The following HPSE2 variants were observed in gnomAD, a reference collection of about 807,000 sequenced individuals.
The protein encoded by HPSE2 is inactive heparanase-2.
In HPSE2, 38 loss-of-function variants were observed where a neutral mutation model predicts 60.5. That is an observed-to-expected ratio of 0.63 (90% CI 0.48 to 0.82). The LOEUF (loss-of-function observed/expected upper bound fraction) is 0.82, where lower values mean the gene tolerates loss of function less well. Ranked by LOEUF, HPSE2 falls within the 40% of genes least tolerant of loss-of-function variation. The probability of loss-of-function intolerance (pLI) is 0.00; values close to 1 mark genes in which losing one functional copy is unlikely to be tolerated. For missense variants in HPSE2, 713 were observed against 740.4 expected (o/e 0.96, Z 0.43); for synonymous variants, 295 against 293.2 (o/e 1.01, Z -0.06).
intron 4 of HPSE2, among the ~76,000 whole-genome samples, chr10:98,733,262 G>A (rs1242240765): frequency 6.6e-6 from 1 of 152,006 alleles, no homozygotes; most frequent in African/African-American, 2.4e-5. Context: ...CTGAGCCACG[G>A]GTGCACGCCA....
At chr10:98,706,194 A>G (rs1384515854) in intron 5 of HPSE2, among the ~76,000 whole-genome samples, 1 of 152,196 alleles carries the variant, frequency 6.6e-6, no homozygotes, top group Non-Finnish European at 1.5e-5. Context: ...CCATCTTTCC[A>G]GTATCTTATG....
chr10:99,307,954 C>G, the HPSE2 span, among the ~76,000 whole-genome samples: 29 of 152,042 alleles, frequency 1.9e-4, no homozygotes, highest in African/African-American at 7.0e-4. Flanking sequence ...ACCACTTTGG[C>G]AGTTCCTCAA....
chr10:98,813,021 G>A (rs891136214), intron 3 of HPSE2, among the ~76,000 whole-genome samples: 1 of 152,108 alleles, frequency 6.6e-6, no homozygotes, highest in Non-Finnish European at 1.5e-5. Flanking sequence ...GGCTGGATAA[G>A]GCTGAACTCT....
intron 2 of HPSE2, among the ~76,000 whole-genome samples, chr10:99,178,816 A>C (rs946548742): frequency 6.6e-6 from 1 of 152,182 alleles, no homozygotes; most frequent in Non-Finnish European, 1.5e-5. Context: ...GACACAACAA[A>C]AAAAGAAAAT....
chr10:99,117,488 A>G (rs1266474841), intron 3 of HPSE2, among the ~76,000 whole-genome samples: 5 of 150,738 alleles, frequency 3.3e-5, no homozygotes, highest in Non-Finnish European at 5.9e-5. Flanking sequence ...ACAAATAAAG[A>G]AGAGAGAAGA....
rs547647366 is a variant in HPSE2 at position 98,709,961 on chromosome 10, A to T, written c.956+11696T>A. Among the ~76,000 whole-genome samples, 11 of 152,314 alleles carry T rather than the reference A, an allele frequency of 7.2e-5. No individual in the cohort carries two copies. In the South Asian group the frequency reaches 2.3e-3, roughly 32 times the overall value. ...CTAACTGAGTACATACTTTAATAAG[A>T]GCATAGTAGCCTGATCTTTCCTGTC... On this transcript the variant is annotated intron_variant, in intron 5 of 11. Coordinates refer to ENST00000370552, the MANE Select transcript of HPSE2 (RefSeq NM_021828.5).
intron 3 of HPSE2, among the ~76,000 whole-genome samples, chr10:98,890,714 A>T (rs1260306854): frequency 6.6e-6 from 1 of 152,164 alleles, no homozygotes; most frequent in Non-Finnish European, 1.5e-5. Context: ...GCTAGTTTTA[A>T]CTCCCTTGGG....
At chr10:98,577,518 A>C (rs1163266982) in intron 9 of HPSE2, among the ~76,000 whole-genome samples, 1 of 152,232 alleles carries the variant, frequency 6.6e-6, no homozygotes. Flanking sequence ...TGAAAGATTC[A>C]CTTCAAACCA....
intron 3 of HPSE2, among the ~76,000 whole-genome samples, chr10:99,009,029 G>C (rs1195183593): frequency 2.0e-5 from 3 of 152,016 alleles, no homozygotes; most frequent in African/African-American, 7.3e-5. Flanking sequence ...AACAGTTGAG[G>C]GGAATTATGA....
chr10:99,063,863 C>T (rs1842528244), intron 3 of HPSE2, among the ~76,000 whole-genome samples: 1 of 152,086 alleles, frequency 6.6e-6, no homozygotes, highest in South Asian at 2.1e-4. Flanking sequence ...GAGATTGAGC[C>T]ATGTGGATCA....
intron 3 of HPSE2, among the ~76,000 whole-genome samples, chr10:98,879,631 C>G (rs1051362420): frequency 6.6e-6 from 1 of 151,894 alleles, no homozygotes. Flanking sequence ...TTGGAGCAGG[C>G]AGCCAGGAAT....
chr10:98,598,926 G>A (rs917908448), intron 9 of HPSE2, among the ~76,000 whole-genome samples: 1 of 151,940 alleles, frequency 6.6e-6, no homozygotes, highest in African/African-American at 2.4e-5. Context: ...TTGGCTTGGA[G>A]ATTGGGTGTA....
chr10:99,015,728 T>A (rs1215824392), intron 3 of HPSE2, among the ~76,000 whole-genome samples: 1 of 151,880 alleles, frequency 6.6e-6, no homozygotes, highest in Non-Finnish European at 1.5e-5. Flanking sequence ...AAAGGACGAG[T>A]TAATGGGTGC....
At chr10:98,963,595 T>A (rs1236871266) in intron 3 of HPSE2, among the ~76,000 whole-genome samples, 1 of 152,182 alleles carries the variant, frequency 6.6e-6, no homozygotes, top group Non-Finnish European at 1.5e-5. Flanking sequence ...TTGGTTTCTA[T>A]ATGCCAGCCA....
At chr10:99,115,037 A>G (rs918842974) in intron 3 of HPSE2, among the ~76,000 whole-genome samples, 1 of 152,016 alleles carries the variant, frequency 6.6e-6, no homozygotes, top group Non-Finnish European at 1.5e-5. Context: ...GTTGGAGTGC[A>G]GTGGCAGGAA....
chr10:98,861,460 C>T (rs1439031541), intron 3 of HPSE2, among the ~76,000 whole-genome samples: 5 of 152,106 alleles, frequency 3.3e-5, no homozygotes, highest in Admixed American at 6.5e-5. Context: ...CTCTAGAATC[C>T]TTCCACCTCC....
chr10:98,483,353 C>G (rs1217983619), intron 10 of HPSE2, among the ~76,000 whole-genome samples: 1 of 152,160 alleles, frequency 6.6e-6, no homozygotes, highest in Non-Finnish European at 1.5e-5. Flanking sequence ...GAATGCTAAA[C>G]TTTTCAATCA....
At chr10:98,667,726 A>G (rs1378869418) in intron 6 of HPSE2, among the ~76,000 whole-genome samples, 1 of 152,212 alleles carries the variant, frequency 6.6e-6, no homozygotes, top group Non-Finnish European at 1.5e-5. Context: ...AAATTTCAAC[A>G]TTGTTTAATT....
chr10:98,879,563 A>G (rs1482688850), intron 3 of HPSE2, among the ~76,000 whole-genome samples: 2 of 151,568 alleles, frequency 1.3e-5, no homozygotes, highest in Non-Finnish European at 2.9e-5. Context: ...GGAATTTTGA[A>G]GGATTTTTTT....
Sources: gnomAD v4.1 joint callset for allele counts (sites outside exome capture counted in the v4.1 genomes callset) on GRCh38, gnomAD v4.1.1 for gene constraint, MANE v1.5 for transcripts, NCBI Gene and HGNC (gene_info 2026-07-23, HGNC 2026-07-21) for gene names.